Variants in RASSF4 observed in about 807,000 individuals in gnomAD.
RASSF4 encodes ras association domain-containing protein 4.
A neutral mutation model predicts 41.1 loss-of-function variants in RASSF4; 38 were observed. That is an observed-to-expected ratio of 0.92 (90% CI 0.71 to 1.21). The LOEUF (loss-of-function observed/expected upper bound fraction) is 1.21, where lower values mean the gene tolerates loss of function less well. Ranked by LOEUF, RASSF4 falls within the 50% of genes most tolerant of loss-of-function variation. RASSF4 has a pLI of 0.00. For missense variants in RASSF4, 414 were observed against 419.4 expected, an observed-to-expected ratio of 0.99 and a Z score of 0.11; for synonymous variants, 179 against 163.4, an observed-to-expected ratio of 1.10 and a Z score of -0.73.
intron 8 of RASSF4, 89 bp downstream of exon 8, chr10:44,989,810 C>T (rs1333644109): frequency 8.5e-7 from 1 of 1,177,224 alleles, no homozygotes; most frequent in Non-Finnish European, 1.3e-6. Flanking sequence ...TGACTGTACT[C>T]CCTTCCAGAT....
chr10:44,961,547 G>T (rs1424319596), intron 1 of RASSF4, among the ~76,000 whole-genome samples: 1 of 152,196 alleles, frequency 6.6e-6, no homozygotes, highest in African/African-American at 2.4e-5. Flanking sequence ...ACTCCTGCAG[G>T]CAGGCCTCAC....
intron 3 of RASSF4, among the ~76,000 whole-genome samples, chr10:44,979,740 G>A (rs1841624395): frequency 6.6e-6 from 1 of 152,076 alleles, no homozygotes; most frequent in Admixed American, 6.5e-5. Context: ...TGTAGGAGGG[G>A]GTCAGTGGAC....
intron 6 of RASSF4, among the ~76,000 whole-genome samples, chr10:44,988,019 T>C (rs1841982411): frequency 6.6e-6 from 1 of 152,130 alleles, no homozygotes; most frequent in Non-Finnish European, 1.5e-5. Context: ...AGCTACCTCC[T>C]TGGGAAAACA....
intron 1 of RASSF4, among the ~76,000 whole-genome samples, chr10:44,969,113 T>C (rs1486691860): frequency 2.0e-5 from 3 of 149,452 alleles, no homozygotes; most frequent in Non-Finnish European, 4.4e-5. Flanking sequence ...TGTTTTTGTG[T>C]GTGTGTGTGT....
At chr10:44,965,194 T>TC (rs1840856552) in intron 1 of RASSF4, among the ~76,000 whole-genome samples, 1 of 152,180 alleles carries the variant, frequency 6.6e-6, no homozygotes, top group Admixed American at 6.5e-5. Context: ...TATATACCAT[T>TC]TTGAGGTTAC....
At chr10:44,990,110 G>A (rs1035408708) in intron 8 of RASSF4, among the ~76,000 whole-genome samples, 5 of 152,150 alleles carry the variant, frequency 3.3e-5, no homozygotes, top group Admixed American at 2.0e-4. Flanking sequence ...CCTTGGCGCC[G>A]AGTCAGGAAG....
rs557254865 is a variant in RASSF4 at position 44,977,888 on chromosome 10, G to A, written c.139-4633G>A. On this transcript the variant is annotated intron_variant, in intron 3 of 10. Transcript: ENST00000340258. The stretch of plus-strand genomic sequence containing the variant: ...CTTGTCCAGCACAGAGGTGGGCTGT[G>A]CCAGTCGAGATATAGACCTCACGTA... The A allele has an allele frequency of 7.2e-5, 116 of 1,612,532 alleles. 2 individuals are homozygous for A. The South Asian group carries it at 1.2e-3, about 17-fold the overall frequency.
intron 6 of RASSF4, among the ~76,000 whole-genome samples, chr10:44,988,105 G>A (rs567473941): frequency 2.0e-5 from 3 of 152,230 alleles, no homozygotes; most frequent in African/African-American, 2.4e-5. Context: ...ACCTGCAGAG[G>A]AGTCACATTC....
In RASSF4 at chr10:44,984,838, C is replaced by G. The variant is rs1461651410; in HGVS notation, c.399C>G (p.Ala133=). 6.2e-7 allele frequency: 1 copy of G among 1,613,672 alleles called. No individual in the cohort carries two copies. The highest frequency in any genetic ancestry group is 2.2e-5 in the East Asian group (1 of 44,890). Residue 133 remains alanine (A), a synonymous_variant, in exon 6 of 11, where the codon GCC becomes GCG. Coordinates refer to ENST00000340258, the MANE Select transcript of RASSF4 (RefSeq NM_032023.4). ...GGCCCCTGGAGGAGGCAGAGGAGGCCCCCCAGCTGATGCGGACCAAGAGCG... is the reference window on the plus strand; with the variant it reads ...GGCCCCTGGAGGAGGCAGAGGAGGCGCCCCAGCTGATGCGGACCAAGAGCG... ...SSGPLEEAEE[A]PQLMRTKSDA...
In RASSF4 at chr10:44,991,055, G is replaced by A. The variant is rs776193414; in HGVS notation, c.793G>A (p.Glu265Lys). 1 of 1,613,452 alleles carries A rather than the reference G, an allele frequency of 6.2e-7. No individual in the cohort carries two copies. Among genetic ancestry groups the A allele is most frequent in the Non-Finnish European group, 8.5e-7 (1 of 1,179,686 alleles). ...CCTGATGGAAGCTGACTTGGGCGTG[G>A]AAGTCCCCCATGAAGTGAGTGGGGG... Reference protein sequence around the residue: ...IFLMEADLGVEVPHEVAQYIK... With the variant: ...IFLMEADLGVKVPHEVAQYIK... Residue 265 changes from glutamate to lysine, a missense_variant, in exon 9 of 11, where the codon GAA becomes AAA. By Grantham distance (56) the Glu-to-Lys change is moderately conservative (BLOSUM62 1). Transcript: ENST00000340258.
chr10:44,974,126 C>T (rs1243797931), intron 3 of RASSF4, among the ~76,000 whole-genome samples: 1 of 152,204 alleles, frequency 6.6e-6, no homozygotes, highest in African/African-American at 2.4e-5. Context: ...CAAGCCCCTC[C>T]AGGTCTCACT....
chr10:44,965,098 G>A (rs534828811), intron 1 of RASSF4, among the ~76,000 whole-genome samples: 20 of 152,326 alleles, frequency 1.3e-4, no homozygotes, highest in African/African-American at 4.6e-4. Context: ...TTGATTAATA[G>A]GAGAAAAGTC....
In RASSF4 at chr10:44,984,223, G is replaced by T. The variant is rs1025856279; in HGVS notation, c.373+110G>T. 33 of 1,113,262 alleles carry T rather than the reference G, an allele frequency of 3.0e-5. No individual in the cohort carries two copies. In the East Asian group the frequency reaches 4.7e-4, roughly 16 times the overall value. The allele number at this position is 1,113,262 out of a possible 1,614,324, so 69.0% of individuals were successfully genotyped here. A position where few individuals can be genotyped will look rare whatever the true frequency, so the allele number is the denominator to read the frequency against. ...AGGACAGCTTTGTGCCCCAGCCAAC[G>T]AGGGGCTTCACCTGCTGGACCCCTA... On this transcript the variant is annotated intron_variant, in intron 5 of 10. Transcript: ENST00000340258.
chr10:44,984,891 C>T lies in RASSF4; in HGVS notation c.452C>T (p.Pro151Leu). ...SDASCMSQRR[P>L]KCRAPGEAQR... ...GCCAGTTGCATGAGCCAGAGGAGGC[C>T]CAAGTGCCGCGCCCCCGGTGAGGCC... Residue 151 changes from proline (P) to leucine (L), a missense_variant, in exon 6 of 11, where the codon CCC becomes CTC. Coordinates refer to ENST00000340258, the MANE Select transcript of RASSF4 (RefSeq NM_032023.4). 1 of 1,613,604 alleles carries T rather than the reference C, an allele frequency of 6.2e-7. No individual in the cohort carries two copies. Among genetic ancestry groups the T allele is most frequent in the Non-Finnish European group, 8.5e-7 (1 of 1,180,036 alleles).
intron 1 of RASSF4, among the ~76,000 whole-genome samples, chr10:44,965,966 G>C (rs555587851): frequency 3.9e-5 from 6 of 152,342 alleles, no homozygotes; most frequent in Admixed American, 6.5e-5. Context: ...CTGAAGGCCA[G>C]TGAGGGAGAA....
At chr10:44,974,030 G>A (rs550364464) in intron 3 of RASSF4, among the ~76,000 whole-genome samples, 2 of 152,258 alleles carry the variant, frequency 1.3e-5, no homozygotes, top group Non-Finnish European at 2.9e-5. Context: ...GCCTGAAGAA[G>A]TGTGTGTTTT....
intron 3 of RASSF4, among the ~76,000 whole-genome samples, chr10:44,980,463 G>A (rs1017314489): frequency 6.6e-6 from 1 of 152,188 alleles, no homozygotes; most frequent in Non-Finnish European, 1.5e-5. Flanking sequence ...ACAGTGGGCG[G>A]CTATGCTGGG....
At chr10:44,991,757 C>A (rs1229476251) in intron 9 of RASSF4, 148 bp from the exon 10 acceptor site, 2 of 614,620 alleles carry the variant, frequency 3.3e-6, no homozygotes, top group East Asian at 5.5e-5. Context: ...CACAACACAG[C>A]AGTGTGGGGG....
chr10:44,987,899 G>A (rs1362795274), intron 6 of RASSF4, among the ~76,000 whole-genome samples: 1 of 152,136 alleles, frequency 6.6e-6, no homozygotes, highest in Non-Finnish European at 1.5e-5. Flanking sequence ...ACTTTATTGA[G>A]ATATTCGCTT....
Sources: gnomAD v4.1 joint callset for allele counts (sites outside exome capture counted in the v4.1 genomes callset) on GRCh38, gnomAD v4.1.1 for gene constraint, MANE v1.5 for transcripts, NCBI Gene and HGNC (gene_info 2026-07-23, HGNC 2026-07-21) for gene names.